The following KCNN3 variants were observed in gnomAD, a reference collection of about 807,000 sequenced individuals.
The protein encoded by KCNN3 is potassium calcium-activated channel subfamily N member 3.
A neutral mutation model predicts 62.9 loss-of-function variants in KCNN3; 16 were observed. The ratio of observed to expected loss-of-function variants is 0.25; its 90% CI spans 0.17 to 0.39. KCNN3 has a LOEUF of 0.39. Ranked by LOEUF, KCNN3 falls within the 10% of genes least tolerant of loss-of-function variation. The probability of loss-of-function intolerance (pLI) is 1.00; values close to 1 mark genes in which losing one functional copy is unlikely to be tolerated. For missense variants in KCNN3, 599 were observed against 949.4 expected (o/e 0.63, Z 4.85); for synonymous variants, 370 against 389.2 (o/e 0.95, Z 0.58).
chr1:154,784,585 C>T (rs1364510871), intron 2 of KCNN3, among the ~76,000 whole-genome samples: 1 of 152,200 alleles, frequency 6.6e-6, no homozygotes, highest in Non-Finnish European at 1.5e-5. Context: ...TTCCCCAGGC[C>T]CTGTGCCCCC....
intron 3 of KCNN3, among the ~76,000 whole-genome samples, chr1:154,760,401 C>G (rs1479076867): frequency 6.6e-6 from 1 of 150,554 alleles, no homozygotes; most frequent in Non-Finnish European, 1.5e-5. Flanking sequence ...GGACTGGAGA[C>G]TGTGAATCAC....
At chr1:154,761,372 G>T (rs1648004385) in intron 3 of KCNN3, among the ~76,000 whole-genome samples, 1 of 152,124 alleles carries the variant, frequency 6.6e-6, no homozygotes, top group South Asian at 2.1e-4. Flanking sequence ...GGAGGGTGAG[G>T]CATGAGAATA....
chr1:154,714,238 GCGGTGT>G (rs1700157156), intron 6 of KCNN3, among the ~76,000 whole-genome samples: 16 of 8,858 alleles, frequency 1.8e-3, no homozygotes, highest in African/African-American at 5.7e-3. Context: ...TGGGGTGTGT[GCGGTGT>G]GTATGGTGTG....
intron 1 of KCNN3, among the ~76,000 whole-genome samples, chr1:154,848,026 G>A (rs549292548): frequency 6.6e-6 from 1 of 152,310 alleles, no homozygotes; most frequent in Non-Finnish European, 1.5e-5. Context: ...AAACGAGCAG[G>A]AAGAGGGTGT....
intron 5 of KCNN3, among the ~76,000 whole-genome samples, chr1:154,719,891 A>T (rs1275418976): frequency 6.6e-6 from 1 of 151,922 alleles, no homozygotes; most frequent in Non-Finnish European, 1.5e-5. Flanking sequence ...CTCACTGACC[A>T]CTTAGAACTG....
At chr1:154,776,407 A>AC (rs1378468117) in intron 2 of KCNN3, among the ~76,000 whole-genome samples, 5 of 150,920 alleles carry the variant, frequency 3.3e-5, no homozygotes, top group Non-Finnish European at 7.4e-5. Context: ...ACTCGTAAAC[A>AC]GTGTGTGTAA....
chr1:154,764,898 C>T (rs1007142547), intron 3 of KCNN3, among the ~76,000 whole-genome samples: 1 of 152,188 alleles, frequency 6.6e-6, no homozygotes, highest in African/African-American at 2.4e-5. Context: ...CTTTGGTCAA[C>T]TGGCAAACGA....
rs74762947 is a variant in KCNN3, at chr1:154,783,083, G to C, written c.1030-10690C>G. ...AAAAAACTAGCCGGGCGTGGTGGTG[G>C]GCGCCTGTAGTCCCAGCTACTCGGG... On this transcript the variant is annotated intron_variant, in intron 2 of 7. Coordinates refer to ENST00000271915, the MANE Select transcript of KCNN3 (RefSeq NM_002249.6). Among the ~76,000 whole-genome samples, 54 of 31,540 alleles carry C rather than the reference G, an allele frequency of 1.7e-3. No homozygotes were observed. The East Asian group carries it at 0.025, about 15-fold the overall frequency. 20.7% of individuals were successfully genotyped at this position (31,540 alleles called of 152,430 possible).
At chr1:154,826,086 CAAAA>C (rs1557995426) in intron 1 of KCNN3, among the ~76,000 whole-genome samples, 43 of 116,406 alleles carry the variant, frequency 3.7e-4, no homozygotes, top group African/African-American at 1.7e-3. Context: ...AAAACAAAAA[CAAAA>C]AAAACCAAAA....
intron 1 of KCNN3, among the ~76,000 whole-genome samples, chr1:154,851,891 C>G (rs1449680421): frequency 6.6e-6 from 1 of 152,198 alleles, no homozygotes; most frequent in Non-Finnish European, 1.5e-5. Flanking sequence ...TCCCATCTCA[C>G]CCAGGGTAAA....
At chr1:154,789,206 C>G (rs956886302) in intron 2 of KCNN3, among the ~76,000 whole-genome samples, 5 of 152,162 alleles carry the variant, frequency 3.3e-5, no homozygotes, top group African/African-American at 1.2e-4. Context: ...ACCACTCCAG[C>G]CTCCTGCTTC....
At chr1:154,790,713 A>G (rs1375656274) in intron 2 of KCNN3, among the ~76,000 whole-genome samples, 1 of 152,208 alleles carries the variant, frequency 6.6e-6, no homozygotes, top group Non-Finnish European at 1.5e-5. Context: ...ACACCATCAT[A>G]AAGTCGACAA....
intron 2 of KCNN3, among the ~76,000 whole-genome samples, chr1:154,774,821 A>G (rs1648722212): frequency 1.3e-5 from 2 of 152,242 alleles, no homozygotes; most frequent in Non-Finnish European, 2.9e-5. Flanking sequence ...GATGAAGGGT[A>G]CCAGCATCAG....
intron 3 of KCNN3, among the ~76,000 whole-genome samples, chr1:154,746,238 C>T (rs1354278884): frequency 1.3e-5 from 2 of 152,190 alleles, no homozygotes; most frequent in Admixed American, 6.5e-5. Context: ...CAAAAAAGGG[C>T]CGCGTTACAA....
At chr1:154,804,783 G>A (rs1650100077) in intron 2 of KCNN3, among the ~76,000 whole-genome samples, 3 of 152,098 alleles carry the variant, frequency 2.0e-5, no homozygotes, top group Admixed American at 2.0e-4. Context: ...CTATTTTATA[G>A]ATGAGGAAAC....
At position 154,855,089 on chromosome 1, in the gene KCNN3, G is replaced by A. The variant is rs369352540; in HGVS notation, c.933+13943C>T. The stretch of plus-strand genomic sequence containing the variant: ...AAAAATTAGCCGGGTGTGATGGCAC[G>A]TGCCTATAATCCCAGGTACTCAGGA... On this transcript the variant is annotated intron_variant, in intron 1 of 7. Coordinates refer to ENST00000271915, the MANE Select transcript of KCNN3 (RefSeq NM_002249.6). Among the ~76,000 whole-genome samples, 54 of 152,124 alleles carry A rather than the reference G, an allele frequency of 3.5e-4. 1 individual carries two copies. The East Asian group carries it at 4.1e-3, about 11-fold the overall frequency.
intron 2 of KCNN3, among the ~76,000 whole-genome samples, chr1:154,818,776 T>C (rs75326320): frequency 0.012 from 1,820 of 152,314 alleles, 29 homozygotes; most frequent in African/African-American, 0.042. Context: ...CCAGCTTGGG[T>C]GAGAGTTACC....
intron 2 of KCNN3, among the ~76,000 whole-genome samples, chr1:154,811,945 T>C (rs566875008): frequency 3.9e-5 from 6 of 152,286 alleles, no homozygotes; most frequent in African/African-American, 1.4e-4. Context: ...ACAGCAGGGG[T>C]GGCTGCAGGG....
intron 2 of KCNN3, among the ~76,000 whole-genome samples, chr1:154,786,858 T>C (rs566124516): frequency 2.0e-5 from 3 of 152,388 alleles, no homozygotes; most frequent in South Asian, 4.1e-4. Flanking sequence ...AGAGCTGTCA[T>C]GGAGAAAGCC....
Sources: allele counts gnomAD v4.1 joint callset (sites outside exome capture counted in the v4.1 genomes callset), GRCh38; gene constraint gnomAD v4.1.1; transcripts MANE v1.5; gene names NCBI Gene and HGNC (gene_info 2026-07-23, HGNC 2026-07-21).